Variants in GLRB observed in about 807,000 individuals in gnomAD.
The protein encoded by GLRB is glycine receptor beta.
A neutral mutation model predicts 54.2 loss-of-function variants in GLRB; 33 were observed. That is an observed-to-expected ratio of 0.61 (90% CI 0.46 to 0.81). The LOEUF is 0.81. Among genes scored for constraint, GLRB ranks in the 40% least tolerant of loss-of-function variants. The pLI, the probability that GLRB is intolerant of heterozygous loss-of-function variation, is 0.00. For missense variants in GLRB, 572 were observed against 584.6 expected (o/e 0.98, Z 0.22); for synonymous variants, 209 against 208.2 (o/e 1.00, Z -0.03).
intron 2 of GLRB, among the ~76,000 whole-genome samples, chr4:157,106,955 A>G (rs1579203345): frequency 6.6e-6 from 1 of 152,072 alleles, no homozygotes; most frequent in East Asian, 1.9e-4. Context: ...TTTTTCCAAC[A>G]GCTTGTGTTC....
chr4:157,077,908 G>T (rs1445479166), intron 1 of GLRB, 88 bp from the exon 2 acceptor site: 3 of 781,780 alleles, frequency 3.8e-6, no homozygotes, highest in Non-Finnish European at 6.3e-6. Context: ...TTGCCCTTTG[G>T]GTAGTAATGC....
chr4:157,134,704 A>G (rs1736338539), intron 4 of GLRB, among the ~76,000 whole-genome samples: 1 of 152,168 alleles, frequency 6.6e-6, no homozygotes, highest in Non-Finnish European at 1.5e-5. Flanking sequence ...GAATAAAGCA[A>G]TATCTCAACT....
chr4:157,139,067 A>G, intron 7 of GLRB, 118 bp downstream of exon 7: 1 of 619,676 alleles, frequency 1.6e-6, no homozygotes, highest in Non-Finnish European at 2.9e-6. Flanking sequence ...ATTAGCAAAT[A>G]GTTTATCTTT....
At chr4:157,085,999 C>T (rs1734398229) in intron 2 of GLRB, among the ~76,000 whole-genome samples, 3 of 152,032 alleles carry the variant, frequency 2.0e-5, no homozygotes, top group Non-Finnish European at 2.9e-5. Context: ...CAGGATCTTA[C>T]TCTGTTGCCC....
At chr4:157,164,450 C>T (rs550367122) in intron 9 of GLRB, among the ~76,000 whole-genome samples, 2 of 152,236 alleles carry the variant, frequency 1.3e-5, no homozygotes, top group South Asian at 2.1e-4. Flanking sequence ...ATTTCCAGCC[C>T]ACCAATCCCC....
At chr4:157,169,636 G>C (rs1452595019) in intron 9 of GLRB, among the ~76,000 whole-genome samples, 1 of 151,982 alleles carries the variant, frequency 6.6e-6, no homozygotes, top group Non-Finnish European at 1.5e-5. Flanking sequence ...ATAGATACAA[G>C]GGGCAACTGT....
chr4:157,143,936 C>A lies in GLRB; in HGVS notation c.881C>A (p.Ala294Glu). Reference sequence around the variant, plus strand: ...CTTTCCTTCTGGATCAACCCGGACGCGAGTGCTGCCAGAGTGCCCCTGGGT... The same window carrying A: ...CTTTCCTTCTGGATCAACCCGGACGAGAGTGCTGCCAGAGTGCCCCTGGGT... ...SWLSFWINPD[A>E]SAARVPLGIF... The change falls in exon 8 of 10, where the codon GCG becomes GAG. Residue 294 changes from alanine to glutamate, a missense_variant. Transcript: ENST00000264428. The A allele has an allele frequency of 6.2e-6, 10 of 1,614,026 alleles. No homozygotes were observed. The highest frequency in any genetic ancestry group is 8.5e-6 in the Non-Finnish European group (10 of 1,179,980).
chr4:157,093,360 A>T (rs981651604), intron 2 of GLRB, among the ~76,000 whole-genome samples: 1 of 152,168 alleles, frequency 6.6e-6, no homozygotes, highest in Admixed American at 6.5e-5. Context: ...ACAATATATG[A>T]TTTATTTCCT....
chr4:157,076,663 G>A (rs935762409), intron 1 of GLRB: 3 of 152,282 alleles, frequency 2.0e-5, no homozygotes, highest in Non-Finnish European at 2.9e-5. Context: ...TGGGGGTGAG[G>A]ACAGAGCAGA....
At chr4:157,114,432 C>T (rs1735532583) in intron 2 of GLRB, among the ~76,000 whole-genome samples, 1 of 151,294 alleles carries the variant, frequency 6.6e-6, no homozygotes. Flanking sequence ...TTCCCAAATA[C>T]CCTGCACCTA....
chr4:157,148,076 A>G (rs1736883565), intron 8 of GLRB, among the ~76,000 whole-genome samples: 1 of 152,182 alleles, frequency 6.6e-6, no homozygotes, highest in South Asian at 2.1e-4. Flanking sequence ...ATGGGTAGAT[A>G]TTTAAACAGT....
intron 4 of GLRB, 46 bp downstream of exon 4, chr4:157,122,443 G>A: frequency 1.4e-6 from 1 of 721,226 alleles, no homozygotes; most frequent in Admixed American, 1.9e-5. Context: ...TTTCAATAGA[G>A]GAGATAGTGA....
chr4:157,107,949 C>T (rs1457589892), intron 2 of GLRB, among the ~76,000 whole-genome samples: 2 of 152,014 alleles, frequency 1.3e-5, no homozygotes, highest in African/African-American at 4.8e-5. Flanking sequence ...TTCAAAAATC[C>T]TAGGGCCCTT....
At chr4:157,081,770 T>A (rs1312935573) in intron 2 of GLRB, among the ~76,000 whole-genome samples, 1 of 152,210 alleles carries the variant, frequency 6.6e-6, no homozygotes, top group East Asian at 1.9e-4. Flanking sequence ...TATGCCACAT[T>A]GACCTTACCG....
At chr4:157,076,847 A>G (rs527965103) in intron 1 of GLRB, among the ~76,000 whole-genome samples, 60 of 150,974 alleles carry the variant, frequency 4.0e-4, no homozygotes, top group African/African-American at 1.3e-3. Context: ...GCCAGAGGAG[A>G]ACCTTGTGTT....
chr4:157,159,998 C>A (rs1244728488), intron 9 of GLRB, among the ~76,000 whole-genome samples: 1 of 152,118 alleles, frequency 6.6e-6, no homozygotes, highest in Non-Finnish European at 1.5e-5. Context: ...TTAATTATTG[C>A]CTCAATTTCA....
intron 2 of GLRB, among the ~76,000 whole-genome samples, chr4:157,111,678 G>C (rs530046512): frequency 2.0e-5 from 3 of 151,968 alleles, no homozygotes; most frequent in Non-Finnish European, 2.9e-5. Flanking sequence ...CCTTGAGGGG[G>C]AGTAAGAGTC....
At chr4:157,087,535 T>A (rs1395435938) in intron 2 of GLRB, among the ~76,000 whole-genome samples, 1 of 152,144 alleles carries the variant, frequency 6.6e-6, no homozygotes, top group African/African-American at 2.4e-5. Flanking sequence ...ACTATTTTAG[T>A]GTTTTGTTGG....
intron 7 of GLRB, among the ~76,000 whole-genome samples, chr4:157,143,527 A>G (rs1414258126): frequency 6.6e-6 from 1 of 152,182 alleles, no homozygotes; most frequent in Non-Finnish European, 1.5e-5. Flanking sequence ...TCTCTGAACA[A>G]TGACCTAAAA....
Sources: allele counts gnomAD v4.1 joint callset (sites outside exome capture counted in the v4.1 genomes callset), GRCh38; gene constraint gnomAD v4.1.1; transcripts MANE v1.5; gene names NCBI Gene and HGNC (gene_info 2026-07-23, HGNC 2026-07-21).